Variants in GAREM1 observed in about 807,000 individuals in gnomAD.
GAREM1 encodes GRB2-associated and regulator of MAPK protein 1.
A neutral mutation model predicts 71.3 loss-of-function variants in GAREM1; 26 were observed. That is an observed-to-expected ratio of 0.36 (90% confidence interval 0.27 to 0.51). The LOEUF is 0.51. Among genes scored for constraint, GAREM1 ranks in the 20% least tolerant of loss-of-function variants. GAREM1 has a pLI of 0.95. For synonymous variants in GAREM1, 440 were observed against 433.2 expected (o/e 1.02, Z -0.20); for missense variants, 1,026 against 1,103.1 (o/e 0.93, Z 0.99).
At chr18:32,451,730 T>C (rs2048842316) in intron 1 of GAREM1, among the ~76,000 whole-genome samples, 1 of 152,156 alleles carries the variant, frequency 6.6e-6, no homozygotes, top group Non-Finnish European at 1.5e-5. Flanking sequence ...AGAATAACCC[T>C]TGTTAAACAA....
intron 2 of GAREM1, among the ~76,000 whole-genome samples, chr18:32,340,252 A>T (rs7240587): frequency 0.12 from 17,562 of 152,226 alleles, 2,033 homozygotes; most frequent in African/African-American, 0.3. Context: ...GAGATTCTTG[A>T]CAAGTGATGG....
Position 32,470,809 on chromosome 18 carries a change from T to G in GAREM1, c.-381A>C, listed in dbSNP as rs2049047827. Among the ~76,000 whole-genome samples the G allele has an allele frequency of 6.7e-6, 1 of 149,512 alleles. No individual in the cohort carries two copies. Among genetic ancestry groups the G allele is most frequent in the Non-Finnish European group, 1.5e-5 (1 of 67,046 alleles). ...CGCCTCCTCCTCCTCTTACCCCTCCTTCCCTCCGCCTCGAGCGTGTGAGGA... is the reference window on the plus strand; with the variant it reads ...CGCCTCCTCCTCCTCTTACCCCTCCGTCCCTCCGCCTCGAGCGTGTGAGGA... On this transcript the variant is annotated 5_prime_UTR_variant, in exon 1 of 6. Transcript: ENST00000269209. The surrounding 1 kb of genome is among the most constrained non-coding windows in gnomAD (Gnocchi z 4.4).
At chr18:32,460,781 T>C (rs550432688) in intron 1 of GAREM1, among the ~76,000 whole-genome samples, 3 of 152,130 alleles carry the variant, frequency 2.0e-5, no homozygotes, top group Admixed American at 6.5e-5. Flanking sequence ...TTGCTAAGAG[T>C]TGACTAGTTT....
chr18:32,329,340 C>T (rs2047505854), intron 2 of GAREM1, among the ~76,000 whole-genome samples: 1 of 151,616 alleles, frequency 6.6e-6, no homozygotes, highest in South Asian at 2.1e-4. Flanking sequence ...TGTGCCACTG[C>T]ACTGTAGCTT....
intron 2 of GAREM1, among the ~76,000 whole-genome samples, chr18:32,352,753 GA>G (rs1302449615): frequency 1.3e-5 from 2 of 152,146 alleles, no homozygotes; most frequent in Non-Finnish European, 2.9e-5. Context: ...CTGTGATTAT[GA>G]GAGAAGGAAA....
At chr18:32,291,226 A>G (rs910499229) in intron 3 of GAREM1, among the ~76,000 whole-genome samples, 3 of 151,978 alleles carry the variant, frequency 2.0e-5, no homozygotes, top group African/African-American at 4.8e-5. Flanking sequence ...AAAAAAAAAT[A>G]AAGTGCAAAA....
intron 2 of GAREM1, among the ~76,000 whole-genome samples, chr18:32,361,803 A>G (rs2047868428): frequency 6.6e-6 from 1 of 152,222 alleles, no homozygotes; most frequent in Non-Finnish European, 1.5e-5. Flanking sequence ...GGTTAAACTG[A>G]CAGGTAGAAT....
At chr18:32,447,592 C>T (rs1199372107) in intron 1 of GAREM1, among the ~76,000 whole-genome samples, 1 of 152,070 alleles carries the variant, frequency 6.6e-6, no homozygotes, top group African/African-American at 2.4e-5. Context: ...ATTTATTTTA[C>T]AGGAAAGCAA....
rs145918087 is a variant in GAREM1 at position 32,313,980 on chromosome 18, T to C, written c.263-3657A>G. 2.6e-5 allele frequency among the ~76,000 whole-genome samples: 4 copies of C among 152,180 alleles called. No individual in the cohort carries two copies. In the East Asian group the frequency reaches 7.7e-4, roughly 29 times the overall value. ...ATAAGGACAATACAGAGGATGAACCTAGACATGAAAGAACAGCTCATATAC... is the reference window on the plus strand; with the variant it reads ...ATAAGGACAATACAGAGGATGAACCCAGACATGAAAGAACAGCTCATATAC... On this transcript the variant is annotated intron_variant, in intron 2 of 5. Coordinates refer to ENST00000269209, the MANE Select transcript of GAREM1 (RefSeq NM_001242409.2).
chr18:32,380,528 T>C (rs140203555), intron 2 of GAREM1, among the ~76,000 whole-genome samples: 2,489 of 150,518 alleles, frequency 0.017, 75 homozygotes, highest in African/African-American at 0.058. Context: ...AGCCTCTGTC[T>C]GTCCAAAAAG....
chr18:32,286,977 C>T (rs2047024751), intron 4 of GAREM1, 54 bp downstream of exon 4: 2 of 1,284,766 alleles, frequency 1.6e-6, no homozygotes, highest in Non-Finnish European at 1.1e-6. Context: ...TAGTGGATGA[C>T]TGAGCAGAGA....
chr18:32,303,203 A>G (rs373020530), intron 3 of GAREM1, among the ~76,000 whole-genome samples: 5 of 152,322 alleles, frequency 3.3e-5, no homozygotes, highest in African/African-American at 1.2e-4. Context: ...GAGCTAAAAT[A>G]GTAACATTAT....
Position 32,265,467 on chromosome 18 carries a change from CT to C in GAREM1, c.*2403del, listed in dbSNP as rs1163031989. 3 of 152,156 alleles carry C rather than the reference CT, an allele frequency of 2.0e-5. No homozygotes were observed. The highest frequency in any genetic ancestry group is 7.2e-5 in the African/African-American group (3 of 41,438). The allele number at this position is 152,156 out of a possible 1,614,324, so 9.4% of individuals were successfully genotyped here. A position where few individuals can be genotyped will look rare whatever the true frequency, so the allele number is the denominator to read the frequency against. On this transcript the variant is annotated 3_prime_UTR_variant, in exon 6 of 6. Coordinates refer to ENST00000269209, the MANE Select transcript of GAREM1 (RefSeq NM_001242409.2). ...CGTCTTTCTTACTCACACATACATA[CT>C]CTTAGCAACTGAGATTTCAAATATA...
chr18:32,264,443 C>T lies in GAREM1; in HGVS notation c.*3428G>A, dbSNP rs2041346156. ...GAAGGACCCTCCATCCTTCCACACC[C>T]CACCTCCCATCCCTGGACTTCTCAG... is the stretch of plus-strand genomic sequence containing the variant. On this transcript the variant is annotated 3_prime_UTR_variant, in exon 6 of 6. Transcript: ENST00000269209. 1 of 152,168 alleles carries T rather than the reference C, an allele frequency of 6.6e-6. No individual in the cohort carries two copies. The allele number at this position is 152,168 out of a possible 1,614,324, so 9.4% of individuals were successfully genotyped here.
At chr18:32,293,967 T>C (rs646452) in intron 3 of GAREM1, among the ~76,000 whole-genome samples, 31,537 of 152,064 alleles carry the variant, frequency 0.21, 3,457 homozygotes, top group South Asian at 0.24. Context: ...CTTAACAAAA[T>C]TTCCATGCCA....
At chr18:32,439,468 C>T (rs554241126) in intron 1 of GAREM1, among the ~76,000 whole-genome samples, 4 of 152,184 alleles carry the variant, frequency 2.6e-5, no homozygotes, top group Admixed American at 6.5e-5. Context: ...AATTTACTTC[C>T]GATAAGGTGA....
chr18:32,304,843 A>T (rs776578568), intron 3 of GAREM1, among the ~76,000 whole-genome samples: 3 of 152,140 alleles, frequency 2.0e-5, no homozygotes, highest in Non-Finnish European at 4.4e-5. Flanking sequence ...CACTCTGTAG[A>T]TCGTGGTGGC....
rs1024714257 is a variant in GAREM1, at chr18:32,264,861, T to C, written c.*3010A>G. On this transcript the variant is annotated 3_prime_UTR_variant, in exon 6 of 6. Coordinates refer to ENST00000269209, the MANE Select transcript of GAREM1 (RefSeq NM_001242409.2). ...TTTCTGATGGGGGCCATGATGATTT[T>C]TGCCATGAATCTAAGGACCCAAAAG... is the stretch of plus-strand genomic sequence containing the variant. 1.3e-5 allele frequency: 2 copies of C among 152,256 alleles called. No homozygotes were observed. The highest frequency in any genetic ancestry group is 4.8e-5 in the African/African-American group (2 of 41,460). 9.4% of individuals were successfully genotyped at this position (152,256 alleles called of 1,614,324 possible).
intron 1 of GAREM1, among the ~76,000 whole-genome samples, chr18:32,396,674 G>A (rs1361081503): frequency 1.3e-5 from 2 of 152,206 alleles, no homozygotes; most frequent in African/African-American, 2.4e-5. Flanking sequence ...CCAAATCTAC[G>A]TCTGATTGGT....
Sources: allele counts gnomAD v4.1 joint callset (sites outside exome capture counted in the v4.1 genomes callset), GRCh38; gene constraint gnomAD v4.1.1; non-coding constraint Gnocchi (gnomAD v3.1); transcripts MANE v1.5; gene names NCBI Gene and HGNC (gene_info 2026-07-23, HGNC 2026-07-21).